GMDS: variants seen among roughly 807,000 people sequenced by gnomAD.
The protein encoded by GMDS is GDP-mannose 4,6 dehydratase.
A neutral mutation model predicts 49.9 loss-of-function variants in GMDS; 20 were observed. That is an observed-to-expected ratio of 0.40 (90% CI 0.28 to 0.58). GMDS has a LOEUF of 0.58. Ranked by LOEUF, GMDS falls within the 20% of genes least tolerant of loss-of-function variation. The pLI is 0.42. For synonymous variants in GMDS, 177 were observed against 178.6 expected (o/e 0.99, Z 0.07); for missense variants, 362 against 481.4 (o/e 0.75, Z 2.32).
intron 7 of GMDS, among the ~76,000 whole-genome samples, chr6:1,896,494 G>A (rs889924443): frequency 9.2e-5 from 14 of 152,176 alleles, no homozygotes; most frequent in African/African-American, 2.2e-4. Context: ...ACTTCAGAAC[G>A]TGGGGAAAGC....
At chr6:2,043,686 T>G (rs182889214) in intron 4 of GMDS, among the ~76,000 whole-genome samples, 1 of 152,242 alleles carries the variant, frequency 6.6e-6, no homozygotes, top group Admixed American at 6.5e-5. Flanking sequence ...CAGTGCTAGC[T>G]TGCACTCTTA....
intron 4 of GMDS, among the ~76,000 whole-genome samples, chr6:2,091,927 C>A (rs1773340652): frequency 6.6e-6 from 1 of 151,760 alleles, no homozygotes; most frequent in Admixed American, 6.6e-5. Flanking sequence ...AGGAGAGTTA[C>A]AGACCATGAA....
chr6:1,724,741 T>A (rs544030414), intron 9 of GMDS, among the ~76,000 whole-genome samples: 1 of 152,316 alleles, frequency 6.6e-6, no homozygotes, highest in East Asian at 1.9e-4. Context: ...AGGGCTCCAG[T>A]CGGCAGTCCC....
chr6:1,898,486 T>C (rs936145878), intron 7 of GMDS, among the ~76,000 whole-genome samples: 2 of 152,134 alleles, frequency 1.3e-5, no homozygotes, highest in Non-Finnish European at 2.9e-5. Flanking sequence ...AACCTCCTTT[T>C]CTATAATATG....
chr6:1,986,374 G>A (rs1318797723), intron 4 of GMDS, among the ~76,000 whole-genome samples: 1 of 152,042 alleles, frequency 6.6e-6, no homozygotes, highest in African/African-American at 2.4e-5. Context: ...GTGGTACAAC[G>A]GCAGGGAAAA....
At chr6:2,041,659 G>T (rs1276023587) in intron 4 of GMDS, among the ~76,000 whole-genome samples, 1 of 152,150 alleles carries the variant, frequency 6.6e-6, no homozygotes, top group African/African-American at 2.4e-5. Flanking sequence ...GGGGAGGTGG[G>T]GTCATGGGGA....
At chr6:1,986,643 C>T (rs1197215446) in intron 4 of GMDS, among the ~76,000 whole-genome samples, 1 of 152,130 alleles carries the variant, frequency 6.6e-6, no homozygotes, top group Non-Finnish European at 1.5e-5. Context: ...GAAAGGAGGG[C>T]TGTAGGAGTG....
intron 9 of GMDS, among the ~76,000 whole-genome samples, chr6:1,624,924 G>A (rs989245885): frequency 1.3e-5 from 2 of 150,314 alleles, no homozygotes; most frequent in South Asian, 2.1e-4. Flanking sequence ...TGGCTAGGAG[G>A]GAAGTGAGTA....
At chr6:1,800,632 T>G (rs1294560914) in intron 7 of GMDS, among the ~76,000 whole-genome samples, 2 of 151,536 alleles carry the variant, frequency 1.3e-5, no homozygotes, top group Non-Finnish European at 2.9e-5. Context: ...TTTCTTTCTT[T>G]TTTTTTTTTT....
At chr6:1,950,809 A>C (rs1763300753) in intron 6 of GMDS, among the ~76,000 whole-genome samples, 1 of 152,200 alleles carries the variant, frequency 6.6e-6, no homozygotes, top group South Asian at 2.1e-4. Flanking sequence ...ATCCTAGGGC[A>C]GAGTTTCTTA....
At chr6:2,006,515 ATC>A (rs1241130882) in intron 4 of GMDS, among the ~76,000 whole-genome samples, 1 of 152,144 alleles carries the variant, frequency 6.6e-6, no homozygotes, top group Non-Finnish European at 1.5e-5. Context: ...TGGGTTCTAA[ATC>A]TCTGCTCATA....
At chr6:1,896,455 G>C (rs934179997) in intron 7 of GMDS, among the ~76,000 whole-genome samples, 60 of 152,306 alleles carry the variant, frequency 3.9e-4, no homozygotes, top group African/African-American at 1.4e-3. Flanking sequence ...GCGGGAACTA[G>C]AGTGGACAAA....
intron 4 of GMDS, among the ~76,000 whole-genome samples, chr6:1,981,593 CA>C (rs1330705151): frequency 6.6e-6 from 1 of 152,102 alleles, no homozygotes; most frequent in Non-Finnish European, 1.5e-5. Flanking sequence ...ACCAGAGGTA[CA>C]AAGAGGAGCT....
intron 4 of GMDS, among the ~76,000 whole-genome samples, chr6:2,100,986 A>G (rs1351935689): frequency 6.6e-6 from 1 of 152,024 alleles, no homozygotes. Flanking sequence ...CTTCTATGTT[A>G]TTATGAAAGA....
chr6:2,229,408 C>CAAAAAAAAAAAA (rs1210456971), intron 1 of GMDS, among the ~76,000 whole-genome samples: 1 of 89,268 alleles, frequency 1.1e-5, no homozygotes. Context: ...CCTGTTTCTA[C>CAAAAAAAAAAAA]AAAAAAAAAA....
intron 8 of GMDS, among the ~76,000 whole-genome samples, chr6:1,734,784 G>C (rs1218504591): frequency 6.6e-6 from 1 of 152,226 alleles, no homozygotes; most frequent in Non-Finnish European, 1.5e-5. Context: ...TAGGAAGTCA[G>C]ACTAGGAAGA....
In GMDS at chr6:2,071,760, T is replaced by C. The variant is rs9503091; in HGVS notation, c.345+44011A>G. ...CATTCACGGACCTGTAGTGCCATAG[T>C]TGAAGTGTCTAAGATAGCAAAAAGG... On this transcript the variant is annotated intron_variant, in intron 4 of 10. Coordinates refer to ENST00000380815, the MANE Select transcript of GMDS (RefSeq NM_001500.4). Among the ~76,000 whole-genome samples, 680 of 151,388 alleles carry C rather than the reference T, an allele frequency of 4.5e-3. 8 individuals are homozygous for C. The highest frequency in any genetic ancestry group is 0.015 in the African/African-American group (634 of 41,218).
intron 6 of GMDS, among the ~76,000 whole-genome samples, chr6:1,951,220 T>A (rs1306600478): frequency 5.3e-5 from 8 of 152,238 alleles, no homozygotes; most frequent in Admixed American, 4.6e-4. Context: ...TGAATTATTT[T>A]AAAAATTCTG....
intron 7 of GMDS, among the ~76,000 whole-genome samples, chr6:1,913,161 C>T (rs1420412670): frequency 6.6e-6 from 1 of 151,860 alleles, no homozygotes; most frequent in African/African-American, 2.4e-5. Context: ...GCGGGCGGAT[C>T]ACGAGGTCAG....
Sources: allele counts gnomAD v4.1 joint callset (sites outside exome capture counted in the v4.1 genomes callset), GRCh38; gene constraint gnomAD v4.1.1; transcripts MANE v1.5; gene names NCBI Gene and HGNC (gene_info 2026-07-23, HGNC 2026-07-21).